The following TRAK2 variants were observed in gnomAD, a reference collection of about 807,000 sequenced individuals.
The protein encoded by TRAK2 is trafficking kinesin-binding protein 2.
TRAK2 carries 81 observed loss-of-function variants against 104.6 expected under a neutral mutation model. That is an observed-to-expected ratio of 0.77 (90% confidence interval 0.65 to 0.93). The LOEUF is 0.93. TRAK2 is among the 40% of genes least tolerant of loss of function. The pLI, the probability that TRAK2 is intolerant of heterozygous loss-of-function variation, is 0.00. For synonymous variants in TRAK2, 406 were observed against 394.4 expected (o/e 1.03, Z -0.35); for missense variants, 1,002 against 1,089.0 (o/e 0.92, Z 1.12).
At chr2:201,429,314 T>G (rs946113237) in intron 1 of TRAK2, among the ~76,000 whole-genome samples, 2 of 152,206 alleles carry the variant, frequency 1.3e-5, no homozygotes, top group African/African-American at 2.4e-5. Flanking sequence ...TCATTTCAAC[T>G]TTGGTGAATC....
chr2:201,380,853 AGGAATGTCTCAGCT>A lies in TRAK2; in HGVS notation c.2421_2434del (p.Ala808ProfsTer14), dbSNP rs1483215214. 6.2e-7 allele frequency: 1 copy of A among 1,614,088 alleles called. No individual in the cohort carries two copies. The highest frequency in any genetic ancestry group is 1.3e-5 in the African/African-American group (1 of 75,046). On this transcript the variant is annotated frameshift_variant, in exon 16 of 16. Transcript: ENST00000332624. LOFTEE classifies it high-confidence loss of function. ...GGGTCTCAAGCCATACATCTCCTGG[AGGAATGTCTCAGCT>A]GGTCGAGAGGCCAAAAAATTTTCAG... is the stretch of plus-strand genomic sequence containing the variant.
At chr2:201,415,508 A>C (rs1435231773) in intron 2 of TRAK2, among the ~76,000 whole-genome samples, 1 of 152,186 alleles carries the variant, frequency 6.6e-6, no homozygotes, top group Non-Finnish European at 1.5e-5. Context: ...GGAAAATATG[A>C]ACGTAATGGA....
chr2:201,410,980 T>C (rs1166890656), intron 2 of TRAK2: 3 of 1,515,056 alleles, frequency 2.0e-6, no homozygotes, highest in Admixed American at 3.4e-5. Context: ...ACGGGCATGT[T>C]GAATCCTGAA....
intron 1 of TRAK2, among the ~76,000 whole-genome samples, chr2:201,446,196 A>G (rs906184720): frequency 1.3e-5 from 2 of 150,498 alleles, no homozygotes; most frequent in African/African-American, 4.9e-5. Flanking sequence ...TAGCTTCTCC[A>G]TCTTCCCCAA....
intron 2 of TRAK2, chr2:201,411,659 A>G: frequency 3.8e-6 from 3 of 795,040 alleles, no homozygotes; most frequent in Non-Finnish European, 6.9e-6. Context: ...CCAACTTATG[A>G]GTAAAAGTAC....
chr2:201,389,250 G>T, intron 12 of TRAK2, 50 bp downstream of exon 12: 2 of 1,532,836 alleles, frequency 1.3e-6, no homozygotes, highest in Non-Finnish European at 1.8e-6. Flanking sequence ...TGAATCTGGT[G>T]CGGCAATGTG....
intron 3 of TRAK2, among the ~76,000 whole-genome samples, chr2:201,404,624 C>A (rs1317875859): frequency 6.6e-6 from 1 of 152,194 alleles, no homozygotes; most frequent in African/African-American, 2.4e-5. Context: ...ATAATCCATT[C>A]TAATATCTGT....
intron 2 of TRAK2, among the ~76,000 whole-genome samples, chr2:201,416,825 T>A (rs1367380139): frequency 6.6e-6 from 1 of 151,436 alleles, no homozygotes; most frequent in African/African-American, 2.4e-5. Flanking sequence ...ATAAGAGGTA[T>A]AGCTAATATG....
intron 2 of TRAK2, 40 bp downstream of exon 2, chr2:201,420,377 A>G (rs4507084): frequency 0.7 from 1,092,169 of 1,555,866 alleles, 385,878 homozygotes; most frequent in South Asian, 0.87. Flanking sequence ...ATTTTCTCCT[A>G]TAAGCGATAG....
At chr2:201,424,796 A>ACC (rs901111521) in intron 1 of TRAK2, among the ~76,000 whole-genome samples, 7 of 151,218 alleles carry the variant, frequency 4.6e-5, no homozygotes, top group African/African-American at 1.5e-4. Flanking sequence ...TTTAGTAGAG[A>ACC]CGGGGTTTCA....
intron 15 of TRAK2, among the ~76,000 whole-genome samples, chr2:201,383,666 C>T (rs1192772202): frequency 6.6e-6 from 1 of 152,196 alleles, no homozygotes; most frequent in African/African-American, 2.4e-5. Context: ...AATACAGTAG[C>T]CACAAGTATA....
intron 2 of TRAK2, chr2:201,419,535 T>A (rs1951721911): frequency 6.5e-6 from 1 of 154,292 alleles, no homozygotes; most frequent in Non-Finnish European, 1.5e-5. Context: ...GAAAGCAGAT[T>A]AGTGGTTGTT....
chr2:201,384,119 A>T lies in TRAK2; in HGVS notation c.2061T>A (p.Val687=). The T allele has an allele frequency of 6.2e-7, 1 of 1,610,874 alleles. No individual in the cohort carries two copies. Residue 687 remains valine (V), a synonymous_variant, in exon 15 of 16, where the codon GTT becomes GTA. Coordinates refer to ENST00000332624, the MANE Select transcript of TRAK2 (RefSeq NM_015049.3). ...RILHPSDITQ[V]TPSSGFPSLS... is the part of the protein sequence containing the mutation. Reference sequence around the variant, plus strand: ...TTCCCAGGCACTCTTACCTGGGGGTAACCTGAGTGATGTCAGAGGGATGTA... The same window carrying T: ...TTCCCAGGCACTCTTACCTGGGGGTTACCTGAGTGATGTCAGAGGGATGTA...
chr2:201,393,692 TAGA>T (rs1269778073), intron 9 of TRAK2, among the ~76,000 whole-genome samples: 1 of 152,182 alleles, frequency 6.6e-6, no homozygotes, highest in Non-Finnish European at 1.5e-5. Context: ...CCACTTGAAG[TAGA>T]AGCTCTTGGG....
chr2:201,405,446 T>A (rs1450301948), intron 3 of TRAK2, among the ~76,000 whole-genome samples: 5 of 152,216 alleles, frequency 3.3e-5, no homozygotes, highest in Admixed American at 1.3e-4. Flanking sequence ...CTCAAACTTG[T>A]GTGTGCATCA....
intron 2 of TRAK2, 80 bp from the exon 3 acceptor site, chr2:201,407,677 T>C (rs1486492406): frequency 2.2e-6 from 3 of 1,333,820 alleles, no homozygotes; most frequent in African/African-American, 1.5e-5. Context: ...TGAAAATTAG[T>C]TTTTCTAAAG....
At chr2:201,402,721 A>G (rs1169538907) in intron 3 of TRAK2, among the ~76,000 whole-genome samples, 2 of 152,200 alleles carry the variant, frequency 1.3e-5, no homozygotes, top group African/African-American at 4.8e-5. Context: ...ATTATGGGAA[A>G]AATATAAAAT....
At chr2:201,433,800 T>C (rs372167126) in intron 1 of TRAK2, among the ~76,000 whole-genome samples, 1 of 152,212 alleles carries the variant, frequency 6.6e-6, no homozygotes. Flanking sequence ...CTTAAAGTTC[T>C]TGAACTCCTA....
chr2:201,397,309 A>G (rs796588981), intron 7 of TRAK2, among the ~76,000 whole-genome samples, 193 bp downstream of exon 7: 4 of 152,344 alleles, frequency 2.6e-5, no homozygotes, highest in South Asian at 2.1e-4. Context: ...TGAAACAAAT[A>G]TATTTCTTAA....
Sources: allele counts gnomAD v4.1 joint callset (sites outside exome capture counted in the v4.1 genomes callset), GRCh38; gene constraint gnomAD v4.1.1; transcripts MANE v1.5; gene names NCBI Gene and HGNC (gene_info 2026-07-23, HGNC 2026-07-21).